Variants in SMCO4 observed in about 807,000 individuals in gnomAD.
SMCO4 encodes single-pass membrane protein with coiled-coil domains 4.
In SMCO4, 4 loss-of-function variants were observed where a neutral mutation model predicts 3.6. That is an observed-to-expected ratio of 1.11 (90% confidence interval 0.54 to 2.53). The LOEUF (loss-of-function observed/expected upper bound fraction) is 2.53. SMCO4 is among the 30% of genes most tolerant of loss of function. The pLI is 0.02. For missense variants in SMCO4, 70 were observed against 80.8 expected (o/e 0.87, Z 0.51); for synonymous variants, 36 against 35.3 (o/e 1.02, Z -0.07).
chr11:93,514,374 C>CTATATATATATATATA (rs148462986), intron 1 of SMCO4, among the ~76,000 whole-genome samples: 11 of 39,086 alleles, frequency 2.8e-4, no homozygotes, highest in Non-Finnish European at 4.5e-4. Context: ...CAGGATGAGG[C>CTATATATATATATATA]TATATATATA....
the SMCO4 span, among the ~76,000 whole-genome samples, chr11:93,548,503 T>C: frequency 6.6e-6 from 1 of 152,216 alleles, no homozygotes; most frequent in African/African-American, 2.4e-5. Context: ...GTAGCCTGTT[T>C]CCTTTTCTGC....
chr11:93,507,194 C>G (rs183633557), intron 1 of SMCO4, among the ~76,000 whole-genome samples: 167 of 152,306 alleles, frequency 1.1e-3, no homozygotes, highest in Non-Finnish European at 1.8e-3. Context: ...CACCTGAGGT[C>G]AGGAGTTCAA....
At chr11:93,548,703 G>A in the SMCO4 span, among the ~76,000 whole-genome samples, 187 of 152,240 alleles carry the variant, frequency 1.2e-3, 2 homozygotes, top group East Asian at 0.022. Context: ...TTGGCATTTC[G>A]AACATTTGAA....
intron 1 of SMCO4, among the ~76,000 whole-genome samples, chr11:93,510,993 G>A (rs1008458290): frequency 6.6e-6 from 1 of 152,092 alleles, no homozygotes; most frequent in Non-Finnish European, 1.5e-5. Context: ...CAGCTACTGC[G>A]GAGACTGAGG....
At position 93,535,911 on chromosome 11, in the gene SMCO4, G is replaced by A. The variant is rs1949220797; in HGVS notation, c.-154+7365C>T. The stretch of plus-strand genomic sequence containing the variant: ...TAGCTAGGTTTCTGGTTCCCCCACA[G>A]TAGGTGTTTTCACATAAGATTAGGG... On this transcript the variant is annotated intron_variant, in intron 1 of 2. Coordinates refer to ENST00000298966, the MANE Select transcript of SMCO4 (RefSeq NM_020179.3). The A allele has an allele frequency of 1.2e-5, 19 of 1,574,574 alleles. No individual in the cohort carries two copies. The South Asian group carries it at 2.1e-4, about 18-fold the overall frequency.
intron 1 of SMCO4, among the ~76,000 whole-genome samples, chr11:93,524,799 T>G (rs150771957): frequency 2.1e-4 from 32 of 152,256 alleles, no homozygotes; most frequent in Admixed American, 6.5e-4. Flanking sequence ...CCACCTATGT[T>G]AACTCACAGA....
chr11:93,539,721 C>A lies in SMCO4; in HGVS notation c.-154+3555G>T, dbSNP rs1949256219. On this transcript the variant is annotated intron_variant, in intron 1 of 2. Coordinates refer to ENST00000298966, the MANE Select transcript of SMCO4 (RefSeq NM_020179.3). Reference sequence around the variant, plus strand: ...GCCACCACAACCAGTCAAAATCTGCCTGGAGCACAAAAACTTCAGAGTCCC... The same window carrying A: ...GCCACCACAACCAGTCAAAATCTGCATGGAGCACAAAAACTTCAGAGTCCC... Among the ~76,000 whole-genome samples the A allele has an allele frequency of 2.0e-5, 3 of 152,088 alleles. No homozygotes were observed. The South Asian group carries it at 6.2e-4, about 31-fold the overall frequency.
chr11:93,514,419 T>TATATATATATATATATATATATAA (rs1555077574), intron 1 of SMCO4, among the ~76,000 whole-genome samples: 1 of 42,534 alleles, frequency 2.4e-5, no homozygotes, highest in African/African-American at 7.3e-5. Flanking sequence ...TATATATATA[T>TATATATATATATATATATATATAA]ATAAAATTTG....
rs1948719836 is a variant in SMCO4 at position 93,491,725 on chromosome 11, G to A, written c.-81+7551C>T. Among the ~76,000 whole-genome samples, 5 of 152,192 alleles carry A rather than the reference G, an allele frequency of 3.3e-5. No homozygotes were observed. In the South Asian group the frequency reaches 1.0e-3, roughly 31 times the overall value. ...TCTCCCAAATCTTTGGGTTAAATGT[G>A]ACCCTTGAGGAAGATGACCACACTG... On this transcript the variant is annotated intron_variant, in intron 2 of 2. Coordinates refer to ENST00000298966, the MANE Select transcript of SMCO4 (RefSeq NM_020179.3).
At chr11:93,484,172 G>A (rs1336803671) in intron 2 of SMCO4, among the ~76,000 whole-genome samples, 3 of 152,196 alleles carry the variant, frequency 2.0e-5, no homozygotes, top group African/African-American at 7.2e-5. Context: ...CACTCCAAAT[G>A]GTCCCCAGTA....
Position 93,478,899 on chromosome 11 carries a change from G to A in SMCO4, c.*111C>T. On this transcript the variant is annotated 3_prime_UTR_variant, in exon 3 of 3. Coordinates refer to ENST00000298966, the MANE Select transcript of SMCO4 (RefSeq NM_020179.3). ...AGACCAGAGAAGACAGGGTGCTCCT[G>A]CTTACAGCTCAGCAACATGAACATC... The A allele has an allele frequency of 1.4e-6, 2 of 1,450,072 alleles. No homozygotes were observed. Among genetic ancestry groups the A allele is most frequent in the South Asian group, 2.8e-5 (2 of 70,612 alleles). The allele number at this position is 1,450,072 out of a possible 1,614,324, so 89.8% of individuals were successfully genotyped here. A position where few individuals can be genotyped will look rare whatever the true frequency, so the allele number is the denominator to read the frequency against.
upstream of SMCO4, among the ~76,000 whole-genome samples, chr11:93,546,818 C>G (rs1949319158): frequency 6.6e-6 from 1 of 152,204 alleles, no homozygotes; most frequent in Admixed American, 6.5e-5. Flanking sequence ...TCTGGTGCAG[C>G]TTGCCCCTAC....
chr11:93,508,464 A>G (rs1948928245), intron 1 of SMCO4, among the ~76,000 whole-genome samples: 1 of 152,234 alleles, frequency 6.6e-6, no homozygotes, highest in Admixed American at 6.5e-5. Context: ...AATGAAATAC[A>G]AATTTCTATA....
At chr11:93,529,430 A>G (rs1949142303) in intron 1 of SMCO4, among the ~76,000 whole-genome samples, 1 of 152,086 alleles carries the variant, frequency 6.6e-6, no homozygotes, top group Non-Finnish European at 1.5e-5. Flanking sequence ...ACACATAATT[A>G]TCTTCTAAAG....
intron 1 of SMCO4, among the ~76,000 whole-genome samples, chr11:93,500,619 G>A (rs946780214): frequency 3.9e-5 from 6 of 152,330 alleles, no homozygotes; most frequent in Middle Eastern, 3.4e-3. Flanking sequence ...TTATTCAGGA[G>A]TCATGAATGC....
At position 93,478,896 on chromosome 11, in the gene SMCO4, C is replaced by A; in HGVS notation, c.*114G>T. ...CAAAGACCAGAGAAGACAGGGTGCT[C>A]CTGCTTACAGCTCAGCAACATGAAC... On this transcript the variant is annotated 3_prime_UTR_variant, in exon 3 of 3. Transcript: ENST00000298966. 2 of 1,444,492 alleles carry A rather than the reference C, an allele frequency of 1.4e-6. No individual in the cohort carries two copies. Among genetic ancestry groups the A allele is most frequent in the Non-Finnish European group, 1.8e-6 (2 of 1,099,804 alleles). 89.5% of individuals were successfully genotyped at this position (1,444,492 alleles called of 1,614,324 possible).
At chr11:93,525,834 C>T (rs1426446384) in intron 1 of SMCO4, among the ~76,000 whole-genome samples, 7 of 152,310 alleles carry the variant, frequency 4.6e-5, no homozygotes, top group African/African-American at 1.4e-4. Flanking sequence ...TGCATGGGCC[C>T]CTGCTTTCCT....
At chr11:93,545,896 C>T (rs1369071258), upstream of SMCO4, among the ~76,000 whole-genome samples, 1 of 152,184 alleles carries the variant, frequency 6.6e-6, no homozygotes, top group Non-Finnish European at 1.5e-5. Context: ...CCTGAGACTG[C>T]CATGAAGAAA....
At chr11:93,542,772 A>C (rs1591333737) in intron 1 of SMCO4, among the ~76,000 whole-genome samples, 2 of 140,224 alleles carry the variant, frequency 1.4e-5, no homozygotes. Context: ...GACCCTTCTC[A>C]CCCGCAAGGT....
Sources: gnomAD v4.1 joint callset for allele counts (sites outside exome capture counted in the v4.1 genomes callset) on GRCh38, gnomAD v4.1.1 for gene constraint, MANE v1.5 for transcripts, NCBI Gene and HGNC (gene_info 2026-07-23, HGNC 2026-07-21) for gene names.